SEMA6D: variants seen among roughly 807,000 people sequenced by gnomAD.
SEMA6D encodes the protein semaphorin 6D.
A neutral mutation model predicts 106.6 loss-of-function variants in SEMA6D; 35 were observed. The observed-to-expected ratio is 0.33, with a 90% CI of 0.25 to 0.44. The LOEUF is 0.44. SEMA6D is among the 20% of genes least tolerant of loss of function. The pLI is 1.00. For missense variants in SEMA6D, 1,185 were observed against 1,345.9 expected, an observed-to-expected ratio of 0.88 and a Z score of 1.87; for synonymous variants, 499 against 487.7, an observed-to-expected ratio of 1.02 and a Z score of -0.31.
chr15:47,516,507 T>C (rs188219522), intron 3 of SEMA6D, among the ~76,000 whole-genome samples: 36 of 152,326 alleles, frequency 2.4e-4, no homozygotes, highest in African/African-American at 8.2e-4. Flanking sequence ...ATTTATTATC[T>C]GATCAATTTG....
chr15:47,295,225 A>G (rs1253110038), intron 1 of SEMA6D, among the ~76,000 whole-genome samples: 3 of 152,194 alleles, frequency 2.0e-5, no homozygotes, highest in African/African-American at 2.4e-5. Flanking sequence ...TATATTTTTT[A>G]GTCTTTGTTG....
At chr15:47,245,508 C>T (rs1347228137) in intron 1 of SEMA6D, among the ~76,000 whole-genome samples, 1 of 152,180 alleles carries the variant, frequency 6.6e-6, no homozygotes, top group Non-Finnish European at 1.5e-5. Context: ...AGTCAGAACT[C>T]TCAGATGGGG....
chr15:47,679,852 A>G (rs1406598336), intron 4 of SEMA6D, among the ~76,000 whole-genome samples: 3 of 152,172 alleles, frequency 2.0e-5, no homozygotes, highest in Non-Finnish European at 4.4e-5. Context: ...ATAGAAGGGA[A>G]AACTGGAGAT....
intron 3 of SEMA6D, among the ~76,000 whole-genome samples, chr15:47,525,980 C>G (rs1168829016): frequency 6.6e-6 from 1 of 152,184 alleles, no homozygotes; most frequent in Non-Finnish European, 1.5e-5. Context: ...GCTCTCAGCA[C>G]CTGTTGGAGA....
chr15:47,575,039 A>G (rs538769612), intron 3 of SEMA6D, among the ~76,000 whole-genome samples: 18 of 152,364 alleles, frequency 1.2e-4, no homozygotes, highest in African/African-American at 4.3e-4. Flanking sequence ...GAGGACTTTC[A>G]AATGGTGTTT....
chr15:47,298,048 G>A (rs971474384), intron 1 of SEMA6D, among the ~76,000 whole-genome samples: 2 of 152,144 alleles, frequency 1.3e-5, no homozygotes, highest in African/African-American at 2.4e-5. Flanking sequence ...AAAGTGTAAC[G>A]TAAGTAAAAT....
At chr15:47,255,493 G>A (rs749981750) in intron 1 of SEMA6D, among the ~76,000 whole-genome samples, 4 of 151,418 alleles carry the variant, frequency 2.6e-5, no homozygotes, top group South Asian at 2.1e-4. Flanking sequence ...TAGCTTGTTC[G>A]TGTTTTTCCA....
chr15:47,463,711 C>T (rs1596062524), intron 2 of SEMA6D, among the ~76,000 whole-genome samples: 1 of 152,132 alleles, frequency 6.6e-6, no homozygotes, highest in African/African-American at 2.4e-5. Flanking sequence ...GCTGCTGTGA[C>T]CAGTTGTCAG....
At chr15:47,211,028 A>G (rs1278725707) in intron 1 of SEMA6D, among the ~76,000 whole-genome samples, 2 of 152,152 alleles carry the variant, frequency 1.3e-5, no homozygotes, top group Admixed American at 6.5e-5. Context: ...TAAATTGTAC[A>G]TAAGTACAAA....
intron 1 of SEMA6D, among the ~76,000 whole-genome samples, chr15:47,318,497 T>A (rs1184767395): frequency 7.6e-4 from 109 of 143,748 alleles, no homozygotes; most frequent in Non-Finnish European, 9.8e-4. Flanking sequence ...AATTCCCACC[T>A]ATAAGTGAGA....
chr15:47,649,463 A>C (rs1566959821), intron 4 of SEMA6D, among the ~76,000 whole-genome samples: 1 of 152,194 alleles, frequency 6.6e-6, no homozygotes. Context: ...AAAAAAGTAC[A>C]AGCCAGAAGT....
intron 1 of SEMA6D, among the ~76,000 whole-genome samples, chr15:47,206,715 A>G (rs1895091972): frequency 6.6e-6 from 1 of 152,106 alleles, no homozygotes; most frequent in Non-Finnish European, 1.5e-5. Flanking sequence ...GCATCTTCTC[A>G]AAATCAGGAA....
chr15:47,551,249 T>C (rs2045677941), intron 3 of SEMA6D, among the ~76,000 whole-genome samples: 2 of 152,162 alleles, frequency 1.3e-5, no homozygotes, highest in African/African-American at 4.8e-5. Context: ...TCAGAGAGTT[T>C]GTGCATTGCT....
At chr15:47,360,990 G>A (rs1417323950) in intron 1 of SEMA6D, among the ~76,000 whole-genome samples, 1 of 152,210 alleles carries the variant, frequency 6.6e-6, no homozygotes, top group African/African-American at 2.4e-5. Context: ...GAAGCAGGCA[G>A]AACTCTGCAG....
intron 1 of SEMA6D, among the ~76,000 whole-genome samples, chr15:47,724,881 C>T (rs1343931649): frequency 2.6e-5 from 4 of 152,202 alleles, no homozygotes; most frequent in African/African-American, 7.2e-5. Flanking sequence ...AAAACCCGCA[C>T]ATCAGCTGCC....
At chr15:47,228,443 C>T (rs548000028) in intron 1 of SEMA6D, among the ~76,000 whole-genome samples, 1 of 148,906 alleles carries the variant, frequency 6.7e-6, no homozygotes, top group East Asian at 2.0e-4. Flanking sequence ...AATGATAGCT[C>T]TGTCCCAGAA....
chr15:47,736,522 T>A (rs1289599454), intron 1 of SEMA6D, among the ~76,000 whole-genome samples: 4 of 152,220 alleles, frequency 2.6e-5, no homozygotes, highest in Non-Finnish European at 1.5e-5. Context: ...TTGCTACATA[T>A]CCAGATAGGA....
intron 1 of SEMA6D, among the ~76,000 whole-genome samples, chr15:47,370,446 C>T (rs2039225529): frequency 6.6e-6 from 1 of 151,866 alleles, no homozygotes; most frequent in Non-Finnish European, 1.5e-5. Context: ...GCGTGGGAGG[C>T]AGAGGTTGCA....
At chr15:47,258,897 TCCTC>T (rs1426435488) in intron 1 of SEMA6D, among the ~76,000 whole-genome samples, 1 of 152,164 alleles carries the variant, frequency 6.6e-6, no homozygotes, top group Non-Finnish European at 1.5e-5. Flanking sequence ...CTTTCATTCT[TCCTC>T]TGTTTTTCTT....
Sources: gnomAD v4.1 joint callset for allele counts (sites outside exome capture counted in the v4.1 genomes callset) on GRCh38, gnomAD v4.1.1 for gene constraint, MANE v1.5 for transcripts, NCBI Gene and HGNC (gene_info 2026-07-23, HGNC 2026-07-21) for gene names.